The following MIS18A variants were observed in gnomAD, a reference collection of about 807,000 sequenced individuals.
The protein encoded by MIS18A is MIS18 kinetochore protein A.
Under a neutral mutation model 25.0 loss-of-function variants are expected in MIS18A, and 14 were observed. That is an observed-to-expected ratio of 0.56 (90% CI 0.37 to 0.88). MIS18A has a LOEUF of 0.88. Among genes scored for constraint, MIS18A ranks in the 40% least tolerant of loss-of-function variants. MIS18A has a pLI of 0.00. For missense variants in MIS18A, 292 were observed against 290.8 expected (o/e 1.00, Z -0.03); for synonymous variants, 134 against 118.6 (o/e 1.13, Z -0.84).
At chr21:32,201,243 G>A in the MIS18A span, among the ~76,000 whole-genome samples, 1 of 151,934 alleles carries the variant, frequency 6.6e-6, no homozygotes, top group African/African-American at 2.4e-5. Flanking sequence ...CCGCCCCTAT[G>A]ACCAAAACAC....
chr21:32,277,411 T>G (rs1290125738), intron 1 of MIS18A, among the ~76,000 whole-genome samples: 1 of 152,214 alleles, frequency 6.6e-6, no homozygotes, highest in Non-Finnish European at 1.5e-5. Flanking sequence ...GGGAATCTCA[T>G]TCAAACAAAG....
the MIS18A span, among the ~76,000 whole-genome samples, chr21:32,172,563 T>C: frequency 8.1e-5 from 12 of 148,572 alleles, no homozygotes; most frequent in Admixed American, 2.7e-4. Flanking sequence ...AAATCCCAGA[T>C]GCGTTTTTTT....
chr21:32,171,345 C>T, the MIS18A span, among the ~76,000 whole-genome samples: 1 of 152,014 alleles, frequency 6.6e-6, no homozygotes, highest in Non-Finnish European at 1.5e-5. Flanking sequence ...TAGTTCTATA[C>T]ACTGACAATA....
chr21:32,218,125 G>A, the MIS18A span, among the ~76,000 whole-genome samples: 7 of 149,908 alleles, frequency 4.7e-5, no homozygotes, highest in African/African-American at 7.4e-5. Context: ...CCCAGGAGGC[G>A]GAGCTTGCAG....
In MIS18A at chr21:32,278,662, C is replaced by T. The variant is rs2031865998; in HGVS notation, c.334+19G>A. Reference sequence around the variant, plus strand: ...GAAGGCGACCCCACGCCCCCCCTGCCCGGCTCGACCCAACTGACAGCGAAG... The same window carrying T: ...GAAGGCGACCCCACGCCCCCCCTGCTCGGCTCGACCCAACTGACAGCGAAG... On this transcript the variant is annotated intron_variant, in intron 1 of 4. Transcript: ENST00000290130. 6.0e-6 allele frequency: 9 copies of T among 1,500,692 alleles called. No homozygotes were observed. Among genetic ancestry groups the T allele is most frequent in the Middle Eastern group, 1.9e-4 (1 of 5,254 alleles). 93.0% of individuals were successfully genotyped at this position (1,500,692 alleles called of 1,614,324 possible).
the MIS18A span, among the ~76,000 whole-genome samples, chr21:32,193,137 C>A: frequency 6.6e-6 from 1 of 152,142 alleles, no homozygotes; most frequent in Non-Finnish European, 1.5e-5. Flanking sequence ...AATTCCCTTG[C>A]GCTCTGTCCC....
the MIS18A span, among the ~76,000 whole-genome samples, chr21:32,175,277 G>C: frequency 4.2e-4 from 64 of 152,246 alleles, 1 homozygote; most frequent in Non-Finnish European, 1.5e-4. Flanking sequence ...TACCATGCCT[G>C]AACGGAGCTT....
At chr21:32,172,935 C>A in the MIS18A span, among the ~76,000 whole-genome samples, 1 of 151,776 alleles carries the variant, frequency 6.6e-6, no homozygotes, top group Non-Finnish European at 1.5e-5. Context: ...TCCAACCTCA[C>A]ACCATAGCCA....
At chr21:32,254,920 C>T in the MIS18A span, among the ~76,000 whole-genome samples, 9 of 152,002 alleles carry the variant, frequency 5.9e-5, no homozygotes, top group East Asian at 3.8e-4. Flanking sequence ...TACATAACGC[C>T]GAGAGTTTGG....
the MIS18A span, among the ~76,000 whole-genome samples, chr21:32,227,750 G>A: frequency 1.3e-5 from 2 of 152,118 alleles, no homozygotes; most frequent in Non-Finnish European, 2.9e-5. Context: ...CATCACAAGA[G>A]AAGAAAATTA....
At chr21:32,157,168 G>A in the MIS18A span, among the ~76,000 whole-genome samples, 1 of 145,244 alleles carries the variant, frequency 6.9e-6, no homozygotes, top group African/African-American at 2.5e-5. Context: ...TGATTTTCCT[G>A]CCTCAGCCTC....
At chr21:32,247,794 C>A in the MIS18A span, among the ~76,000 whole-genome samples, 5 of 152,280 alleles carry the variant, frequency 3.3e-5, no homozygotes, top group East Asian at 9.7e-4. Flanking sequence ...CGATCTTGGA[C>A]TTCCAAGCTA....
intron 4 of MIS18A, 67 bp downstream of exon 4, chr21:32,269,640 G>C (rs2031675825): frequency 1.1e-6 from 1 of 904,050 alleles, no homozygotes; most frequent in African/African-American, 1.7e-5. Context: ...ATTATCGTTT[G>C]TGGGGGAGCA....
chr21:32,156,513 G>T, the MIS18A span: 1 of 152,142 alleles, frequency 6.6e-6, no homozygotes, highest in Non-Finnish European at 1.5e-5. Flanking sequence ...CTAGAAAGGG[G>T]AAAACATCCC....
intron 1 of MIS18A, 47 bp downstream of exon 1, chr21:32,278,634 G>A (rs1489998275): frequency 1.4e-6 from 2 of 1,458,892 alleles, no homozygotes; most frequent in Non-Finnish European, 1.8e-6. Context: ...GGCACCCCTG[G>A]AAGAAGGCGA....
At chr21:32,229,719 G>C in the MIS18A span, among the ~76,000 whole-genome samples, 966 of 152,230 alleles carry the variant, frequency 6.3e-3, 14 homozygotes, top group African/African-American at 0.021. Flanking sequence ...TCAATTCTTT[G>C]CTTTTGAACT....
the MIS18A span, among the ~76,000 whole-genome samples, chr21:32,182,709 T>A: frequency 6.6e-6 from 1 of 152,264 alleles, no homozygotes; most frequent in African/African-American, 2.4e-5. Context: ...TCCACAGGCC[T>A]GGATTCCAGC....
At position 32,278,668 on chromosome 21, in the gene MIS18A, C is replaced by T; in HGVS notation, c.334+13G>A. On this transcript the variant is annotated intron_variant, in intron 1 of 4. Transcript: ENST00000290130. ...GACCCCACGCCCCCCCTGCCCGGCTCGACCCAACTGACAGCGAAGCAGGAT... is the reference window on the plus strand; with the variant it reads ...GACCCCACGCCCCCCCTGCCCGGCTTGACCCAACTGACAGCGAAGCAGGAT... The T allele has an allele frequency of 2.0e-6, 3 of 1,515,152 alleles. No individual in the cohort carries two copies. The highest frequency in any genetic ancestry group is 2.7e-5 in the African/African-American group (2 of 73,382). 93.9% of individuals were successfully genotyped at this position (1,515,152 alleles called of 1,614,324 possible).
the MIS18A span, among the ~76,000 whole-genome samples, chr21:32,158,967 T>G: frequency 6.6e-6 from 1 of 152,212 alleles, no homozygotes; most frequent in Non-Finnish European, 1.5e-5. Flanking sequence ...GATTCTTTCT[T>G]ATATAAAATC....
Sources: allele counts gnomAD v4.1 joint callset (sites outside exome capture counted in the v4.1 genomes callset), GRCh38; gene constraint gnomAD v4.1.1; transcripts MANE v1.5; gene names NCBI Gene and HGNC (gene_info 2026-07-23, HGNC 2026-07-21).